PRKCZ: variants seen among roughly 807,000 people sequenced by gnomAD.
The protein encoded by PRKCZ is protein kinase C zeta.
PRKCZ carries 33 observed loss-of-function variants against 79.5 expected under a neutral mutation model. The ratio of observed to expected loss-of-function variants is 0.41; its 90% CI spans 0.31 to 0.55. The LOEUF (loss-of-function observed/expected upper bound fraction) is 0.55. Among genes scored for constraint, PRKCZ ranks in the 20% least tolerant of loss-of-function variants. The pLI, the probability that PRKCZ is intolerant of heterozygous loss-of-function variation, is 0.19. For synonymous variants in PRKCZ, 342 were observed against 320.9 expected (o/e 1.07, Z -0.70); for missense variants, 578 against 813.5 (o/e 0.71, Z 3.52).
intron 4 of PRKCZ, among the ~76,000 whole-genome samples, chr1:2,086,051 C>A: frequency 7.1e-6 from 1 of 141,570 alleles, no homozygotes; most frequent in Non-Finnish European, 1.5e-5. Context: ...GGTTTATTAT[C>A]ATCCTTTTTT....
chr1:2,088,381 C>G (rs1363353436), intron 4 of PRKCZ, among the ~76,000 whole-genome samples: 3 of 152,218 alleles, frequency 2.0e-5, no homozygotes, highest in African/African-American at 7.2e-5. Flanking sequence ...CCATCGTGGG[C>G]TTCCTGGGAA....
intron 4 of PRKCZ, among the ~76,000 whole-genome samples, chr1:2,124,810 C>T (rs1035190623): frequency 3.3e-5 from 5 of 151,834 alleles, no homozygotes; most frequent in Admixed American, 2.0e-4. Context: ...GCTTGGGTGG[C>T]GCATCTCTCT....
chr1:2,130,849 T>C (rs1191109541), intron 4 of PRKCZ, among the ~76,000 whole-genome samples: 1 of 152,082 alleles, frequency 6.6e-6, no homozygotes, highest in African/African-American at 2.4e-5. Flanking sequence ...ACACATACAG[T>C]GAACCATTGC....
chr1:2,177,799 AC>A lies in PRKCZ; in HGVS notation c.1575+2489del, dbSNP rs1685766872. On this transcript the variant is annotated intron_variant, in intron 16 of 17. Transcript: ENST00000378567. The surrounding 1 kb of genome is among the most constrained non-coding windows in gnomAD (Gnocchi z 6.4). ...GCTGCCCACAGGGGCGGCTTCCATC[AC>A]CCTGCTTCTTCCTGGCTGCTGCGGG... Among the ~76,000 whole-genome samples, 1 of 151,802 alleles carries A rather than the reference AC, an allele frequency of 6.6e-6. No homozygotes were observed.
At chr1:2,099,052 T>A (rs1667017694) in intron 4 of PRKCZ, among the ~76,000 whole-genome samples, 1 of 151,928 alleles carries the variant, frequency 6.6e-6, no homozygotes, top group Non-Finnish European at 1.5e-5. Context: ...TCCGTCGTTG[T>A]CTGTGCTGTG....
Position 2,117,998 on chromosome 1 carries a change from C to CTTTTTTTTTTTTTTTTTTTTTT in PRKCZ, c.335-17248_335-17247insTTTTTTTTTTTTTTTTTTTTTT, listed in dbSNP as rs1553152756. Among the ~76,000 whole-genome samples the CTTTTTTTTTTTTTTTTTTTTTT allele has an allele frequency of 9.2e-5, 6 of 65,088 alleles. 1 individual carries two copies. Among genetic ancestry groups the CTTTTTTTTTTTTTTTTTTTTTT allele is most frequent in the South Asian group, 1.1e-3 (2 of 1,846 alleles). The allele number at this position is 65,088 out of a possible 152,430, so 42.7% of individuals were successfully genotyped here. On this transcript the variant is annotated intron_variant, in intron 4 of 17. Transcript: ENST00000378567. Reference sequence around the variant, plus strand: ...TATGAGAGAGATTAGCCTATTATTTCTTTTTTTTTTTTTTTTGGAGTCTCA... The same window carrying CTTTTTTTTTTTTTTTTTTTTTT: ...TATGAGAGAGATTAGCCTATTATTTCTTTTTTTTTTTTTTTTTTTTTTTTTTTTTTTTTTTTTTGGAGTCTCA...
At position 2,121,897 on chromosome 1, in the gene PRKCZ, C is replaced by T. The variant is rs62641633; in HGVS notation, c.335-13365C>T. The stretch of plus-strand genomic sequence containing the variant: ...AGGGTCACGGTGGTGGTTAGGGTCA[C>T]GGTGGTAGTTAGGGTCACGGCTGTA... On this transcript the variant is annotated intron_variant, in intron 4 of 17. Coordinates refer to ENST00000378567, the MANE Select transcript of PRKCZ (RefSeq NM_002744.6). Among the ~76,000 whole-genome samples the T allele has an allele frequency of 9.5e-3, 16 of 1,682 alleles. 4 individuals carry two copies. The highest frequency in any genetic ancestry group is 0.016 in the Admixed American group (1 of 64). The allele number at this position is 1,682 out of a possible 152,430, so 1.1% of individuals were successfully genotyped here. A position where few individuals can be genotyped will look rare whatever the true frequency, so the allele number is the denominator to read the frequency against.
Position 2,169,623 on chromosome 1 carries a change from GGCCGGGTGGGTGC to G in PRKCZ, c.1061+23_1061+35del. 6.8e-7 allele frequency: 1 copy of G among 1,477,320 alleles called. No individual in the cohort carries two copies. The allele number at this position is 1,477,320 out of a possible 1,614,324, so 91.5% of individuals were successfully genotyped here. A position where few individuals can be genotyped will look rare whatever the true frequency, so the allele number is the denominator to read the frequency against. ...ACGCCAGGTGGGTGCGCGTGGACGG[GGCCGGGTGGGTGC>G]GCCCGGAGTTGGGGATGGGTGGGTG... On this transcript the variant is annotated intron_variant, in intron 11 of 17. Transcript: ENST00000378567.
intron 4 of PRKCZ, among the ~76,000 whole-genome samples, chr1:2,100,763 A>T (rs1264035522): frequency 6.6e-6 from 1 of 152,102 alleles, no homozygotes; most frequent in Admixed American, 6.5e-5. Context: ...TGGGGTCTGC[A>T]GAGGCCTCGT....
intron 10 of PRKCZ, among the ~76,000 whole-genome samples, chr1:2,163,149 C>T (rs1404196529): frequency 6.6e-6 from 1 of 152,262 alleles, no homozygotes; most frequent in Non-Finnish European, 1.5e-5. Flanking sequence ...CTGTCCTATT[C>T]CTGACCCCAG....
At chr1:2,166,677 C>G (rs370226321) in intron 10 of PRKCZ, among the ~76,000 whole-genome samples, 18 of 141,954 alleles carry the variant, frequency 1.3e-4, no homozygotes, top group African/African-American at 3.5e-4. Context: ...CAGCCTCAGC[C>G]CCCCCCAGGC....
intron 4 of PRKCZ, chr1:2,073,667 T>G (rs1227323036): frequency 1.0e-6 from 1 of 992,722 alleles, no homozygotes; most frequent in Non-Finnish European, 1.2e-6. Flanking sequence ...GTGCCTCAGC[T>G]GCTGGCTACA....
rs1417444042 is a variant in PRKCZ at position 2,062,505 on chromosome 1, GA to G, written c.334+2915del. Among the ~76,000 whole-genome samples, 14 of 141,408 alleles carry G rather than the reference GA, an allele frequency of 9.9e-5. No individual in the cohort carries two copies. The South Asian group carries it at 2.3e-3, about 23-fold the overall frequency. The allele number at this position is 141,408 out of a possible 152,430, so 92.8% of individuals were successfully genotyped here. A position where few individuals can be genotyped will look rare whatever the true frequency, so the allele number is the denominator to read the frequency against. ...AACTTTTTTTTTTTTTTTTTTGGCA[GA>G]GGGGGGACGGAGTTTTGTTCTGTCA... On this transcript the variant is annotated intron_variant, in intron 4 of 17. Transcript: ENST00000378567.
chr1:2,067,348 T>C (rs1557487034), intron 4 of PRKCZ, among the ~76,000 whole-genome samples: 1 of 152,222 alleles, frequency 6.6e-6, no homozygotes, highest in Non-Finnish European at 1.5e-5. Flanking sequence ...TTCCTTTTTA[T>C]GGCTGGATGA....
At position 2,146,021 on chromosome 1, in the gene PRKCZ, C is replaced by T. The variant is rs1171672907; in HGVS notation, c.553-6C>T. 2.4e-5 allele frequency: 38 copies of T among 1,609,960 alleles called. No individual in the cohort carries two copies. The highest frequency in any genetic ancestry group is 1.2e-4 in the Admixed American group (7 of 60,002). On this transcript the variant is annotated splice_region_variant and splice_polypyrimidine_tract_variant and intron_variant, in intron 6 of 17. Transcript: ENST00000378567. The stretch of plus-strand genomic sequence containing the variant: ...TCATGCTGCCATCTCTGTGTCTCTC[C>T]GGCAGGATTCTGTCATGCCTTCCCA...
intron 7 of PRKCZ, among the ~76,000 whole-genome samples, chr1:2,148,579 A>G (rs1679203126): frequency 6.6e-6 from 1 of 151,900 alleles, no homozygotes; most frequent in Non-Finnish European, 1.5e-5. Context: ...TCCTGCCCCT[A>G]CCCACCCATT....
rs56068331 is a variant in PRKCZ at position 2,160,238 on chromosome 1, C to CGTGTGTGTGTGT, written c.974+4169_974+4180dup. 7.1e-3 allele frequency among the ~76,000 whole-genome samples: 1,036 copies of CGTGTGTGTGTGT among 146,454 alleles called. 19 individuals are homozygous for CGTGTGTGTGTGT. Among genetic ancestry groups the CGTGTGTGTGTGT allele is most frequent in the African/African-American group, 0.022 (877 of 39,016 alleles). Reference sequence around the variant, plus strand: ...GAAAAGCACTTCACCCAGCAGTGTGCGTGTGTGTGTGTGTGTGTGTGTGTG... The same window carrying CGTGTGTGTGTGT: ...GAAAAGCACTTCACCCAGCAGTGTGCGTGTGTGTGTGTGTGTGTGTGTGTGTGTGTGTGTGTG... On this transcript the variant is annotated intron_variant, in intron 10 of 17. Coordinates refer to ENST00000378567, the MANE Select transcript of PRKCZ (RefSeq NM_002744.6).
chr1:2,181,965 C>T, intron 16 of PRKCZ: 1 of 421,894 alleles, frequency 2.4e-6, no homozygotes, highest in Non-Finnish European at 4.8e-6. Flanking sequence ...TCCGGCTCCT[C>T]CCCAGCACCG....
intron 9 of PRKCZ, 124 bp downstream of exon 9, chr1:2,151,102 A>G (rs1038598485): frequency 1.0e-5 from 12 of 1,183,618 alleles, no homozygotes; most frequent in East Asian, 5.1e-5. Context: ...AGTTTGTGCA[A>G]AATCAATAGT....
Sources: allele counts gnomAD v4.1 joint callset (sites outside exome capture counted in the v4.1 genomes callset), GRCh38; gene constraint gnomAD v4.1.1; non-coding constraint Gnocchi (gnomAD v3.1); transcripts MANE v1.5; gene names NCBI Gene and HGNC (gene_info 2026-07-23, HGNC 2026-07-21).